C8orf34: variants seen among roughly 807,000 people sequenced by gnomAD.
C8orf34 encodes the protein chromosome 8 open reading frame 34, also known as uncharacterized protein C8orf34.
Under a neutral mutation model 68.3 loss-of-function variants are expected in C8orf34, and 65 were observed. That is an observed-to-expected ratio of 0.95 (90% CI 0.78 to 1.17). C8orf34 has a LOEUF of 1.17. Ranked by LOEUF, C8orf34 falls within the 50% of genes most tolerant of loss-of-function variation. The pLI, the probability that C8orf34 is intolerant of heterozygous loss-of-function variation, is 0.00. For synonymous variants in C8orf34, 244 were observed against 241.2 expected (o/e 1.01, Z -0.11); for missense variants, 664 against 655.4 (o/e 1.01, Z -0.14).
chr8:68,463,200 A>G (rs571881361), intron 3 of C8orf34, among the ~76,000 whole-genome samples: 1 of 152,370 alleles, frequency 6.6e-6, no homozygotes, highest in South Asian at 2.1e-4. Context: ...GAAGAAATGG[A>G]TAAATTCCTT....
chr8:68,364,745 A>C (rs1807163769), intron 1 of C8orf34, among the ~76,000 whole-genome samples: 1 of 140,346 alleles, frequency 7.1e-6, no homozygotes, highest in African/African-American at 2.7e-5. Context: ...CATTCAAAGC[A>C]GTGTGTAGAG....
At chr8:68,466,760 T>TATATATATATATATAA (rs1466573601) in intron 3 of C8orf34, among the ~76,000 whole-genome samples, 1 of 145,402 alleles carries the variant, frequency 6.9e-6, no homozygotes, top group African/African-American at 2.6e-5. Context: ...TATATATATA[T>TATATATATATATATAA]ATATAGATGC....
At chr8:68,792,553 CAG>C (rs1824034722) in intron 12 of C8orf34, 1 of 106,492 alleles carries the variant, frequency 9.4e-6, no homozygotes, top group African/African-American at 3.8e-5. Flanking sequence ...GCCTGGGTGA[CAG>C]AGTGAGACTC....
chr8:68,403,532 CT>C (rs1261194785), intron 1 of C8orf34, among the ~76,000 whole-genome samples: 1 of 152,132 alleles, frequency 6.6e-6, no homozygotes, highest in East Asian at 1.9e-4. Context: ...TATCCCTCCC[CT>C]AGCCCCCCAC....
chr8:68,562,651 G>A lies in C8orf34; in HGVS notation c.1105+29502G>A, dbSNP rs79511873. Among the ~76,000 whole-genome samples, 653 of 152,224 alleles carry A rather than the reference G, an allele frequency of 4.3e-3. 10 individuals carry two copies. The highest frequency in any genetic ancestry group is 0.015 in the African/African-American group (611 of 41,538). Reference sequence around the variant, plus strand: ...AGCAATTTTGTTGTTGTTGTTGTTTGTAAAAGGACTTATTGCATGAAGGCA... The same window carrying A: ...AGCAATTTTGTTGTTGTTGTTGTTTATAAAAGGACTTATTGCATGAAGGCA... On this transcript the variant is annotated intron_variant, in intron 7 of 13. Transcript: ENST00000518698.
intron 12 of C8orf34, chr8:68,791,173 T>C: frequency 2.4e-6 from 1 of 415,670 alleles, no homozygotes; most frequent in Non-Finnish European, 4.2e-6. Flanking sequence ...TTTAATTGAC[T>C]CACAGTTCCC....
chr8:68,733,135 CTTTTT>C (rs1822031335), intron 10 of C8orf34, among the ~76,000 whole-genome samples: 1 of 152,056 alleles, frequency 6.6e-6, no homozygotes. Flanking sequence ...TTAATTTGAA[CTTTTT>C]CTTTTCATCT....
chr8:68,499,997 G>A (rs1176360609), intron 5 of C8orf34, among the ~76,000 whole-genome samples: 3 of 151,976 alleles, frequency 2.0e-5, no homozygotes, highest in Admixed American at 6.6e-5. Flanking sequence ...AAGTATGTGC[G>A]ACCATCCTCC....
rs1806536355 is a variant in C8orf34 at position 68,352,093 on chromosome 8, T to G, written c.327+20754T>G. On this transcript the variant is annotated intron_variant, in intron 1 of 13. Transcript: ENST00000518698. ...GGTTCTTTGTATGTTTTGAATAACA[T>G]TCCTTTCTCAGATACATTTTTTTGC... 2.0e-5 allele frequency among the ~76,000 whole-genome samples: 3 copies of G among 152,060 alleles called. No individual in the cohort carries two copies. The South Asian group carries it at 6.2e-4, about 31-fold the overall frequency.
At chr8:68,789,925 A>G (rs970886081) in intron 12 of C8orf34, among the ~76,000 whole-genome samples, 2 of 152,224 alleles carry the variant, frequency 1.3e-5, no homozygotes, top group African/African-American at 4.8e-5. Flanking sequence ...TCTTGTAACC[A>G]TAGAACTAGA....
At chr8:68,530,323 A>G (rs1167819825) in intron 6 of C8orf34, among the ~76,000 whole-genome samples, 1 of 152,124 alleles carries the variant, frequency 6.6e-6, no homozygotes, top group African/African-American at 2.4e-5. Context: ...CATCTTGTAA[A>G]TAAACTATGT....
intron 10 of C8orf34, among the ~76,000 whole-genome samples, chr8:68,773,673 G>A (rs909340290): frequency 1.7e-4 from 26 of 151,948 alleles, no homozygotes; most frequent in African/African-American, 5.1e-4. Flanking sequence ...GGTGTGAGCC[G>A]CCACACCGGC....
chr8:68,810,216 G>T (rs1464398014), intron 12 of C8orf34, among the ~76,000 whole-genome samples: 1 of 152,164 alleles, frequency 6.6e-6, no homozygotes, highest in Non-Finnish European at 1.5e-5. Context: ...GAGTAGTAAG[G>T]GGTGCGTGAG....
intron 1 of C8orf34, among the ~76,000 whole-genome samples, chr8:68,429,396 T>C (rs1296741426): frequency 6.6e-6 from 1 of 152,218 alleles, no homozygotes; most frequent in Non-Finnish European, 1.5e-5. Context: ...AGTGACAACA[T>C]GTTGGTGAAG....
rs144039766 is a variant in C8orf34, at chr8:68,688,423, A to C, written c.1242-20571A>C. 4.4e-3 allele frequency among the ~76,000 whole-genome samples: 663 copies of C among 152,236 alleles called. 11 individuals are homozygous for C. Among genetic ancestry groups the C allele is most frequent in the African/African-American group, 0.015 (625 of 41,568 alleles). On this transcript the variant is annotated intron_variant, in intron 8 of 13. Transcript: ENST00000518698. ...TGGAAGACAGTATGGCAATTCCTCA[A>C]GGATCTAGAACCAGAAATACCACTT...
intron 4 of C8orf34, among the ~76,000 whole-genome samples, chr8:68,473,164 G>A (rs1362938475): frequency 6.6e-6 from 1 of 152,108 alleles, no homozygotes; most frequent in Non-Finnish European, 1.5e-5. Flanking sequence ...TTTAGGAGTG[G>A]AGATTTAACA....
chr8:68,703,254 T>C (rs1406344643), intron 8 of C8orf34, among the ~76,000 whole-genome samples: 1 of 152,160 alleles, frequency 6.6e-6, no homozygotes, highest in African/African-American at 2.4e-5. Flanking sequence ...TAAGACTAAG[T>C]CAATAGAAGG....
intron 10 of C8orf34, among the ~76,000 whole-genome samples, chr8:68,739,092 C>A (rs1368538582): frequency 1.3e-5 from 2 of 152,006 alleles, no homozygotes; most frequent in East Asian, 1.9e-4. Context: ...AAAAAGCTTA[C>A]CACAATCAAG....
chr8:68,625,447 A>G (rs1818510682), intron 7 of C8orf34: 3 of 545,882 alleles, frequency 5.5e-6, no homozygotes, highest in Non-Finnish European at 9.9e-6. Flanking sequence ...GAGCTCACAG[A>G]GGCAACTCTC....
Sources: allele counts gnomAD v4.1 joint callset (sites outside exome capture counted in the v4.1 genomes callset), GRCh38; gene constraint gnomAD v4.1.1; transcripts MANE v1.5; gene names NCBI Gene and HGNC (gene_info 2026-07-23, HGNC 2026-07-21).